Variants in ARAP2 observed in about 807,000 individuals in gnomAD.
ARAP2 encodes arf-GAP with Rho-GAP domain, ANK repeat and PH domain-containing protein 2.
A neutral mutation model predicts 194.5 loss-of-function variants in ARAP2; 148 were observed. The ratio of observed to expected loss-of-function variants is 0.76; its 90% CI spans 0.67 to 0.87. The LOEUF (loss-of-function observed/expected upper bound fraction) is 0.87. Ranked by LOEUF, ARAP2 falls within the 40% of genes least tolerant of loss-of-function variation. ARAP2 has a pLI of 0.00. For synonymous variants in ARAP2, 695 were observed against 683.5 expected, an observed-to-expected ratio of 1.02 and a Z score of -0.26; for missense variants, 2,128 against 1,989.7, an observed-to-expected ratio of 1.07 and a Z score of -1.32.
intron 8 of ARAP2, among the ~76,000 whole-genome samples, chr4:36,178,227 TGA>T (rs1271751219): frequency 1.3e-5 from 2 of 152,188 alleles, no homozygotes; most frequent in South Asian, 4.1e-4. Context: ...TGGCTTTACC[TGA>T]GAGTTTATTA....
At chr4:36,216,062 A>G (rs1363899581) in intron 2 of ARAP2, among the ~76,000 whole-genome samples, 1 of 151,272 alleles carries the variant, frequency 6.6e-6, no homozygotes, top group Non-Finnish European at 1.5e-5. Context: ...CTTGGGCAAC[A>G]TAATGAAACC....
rs116681418 is a variant in ARAP2, at chr4:36,098,585, T to C, written c.4286-6565A>G. Among the ~76,000 whole-genome samples, 1,511 of 152,208 alleles carry C rather than the reference T, an allele frequency of 9.9e-3. 13 individuals carry two copies. The highest frequency in any genetic ancestry group is 0.015 in the Non-Finnish European group (1,053 of 68,008). Reference sequence around the variant, plus strand: ...AATAAATGGACAACTCCTATACATCTCTGTAAATTATTAAACTAAAATATA... The same window carrying C: ...AATAAATGGACAACTCCTATACATCCCTGTAAATTATTAAACTAAAATATA... On this transcript the variant is annotated intron_variant, in intron 27 of 32. Coordinates refer to ENST00000303965, the MANE Select transcript of ARAP2 (RefSeq NM_015230.4).
intron 6 of ARAP2, among the ~76,000 whole-genome samples, chr4:36,198,265 G>T (rs6811620): frequency 1.3e-5 from 2 of 152,160 alleles, no homozygotes; most frequent in Admixed American, 6.5e-5. Context: ...TGATGTCTGC[G>T]CAGCTCTGGC....
intron 11 of ARAP2, among the ~76,000 whole-genome samples, chr4:36,163,258 GA>G (rs924451510): frequency 4.7e-5 from 7 of 150,374 alleles, no homozygotes; most frequent in African/African-American, 1.2e-4. Context: ...AAAAATACTG[GA>G]AAAAAAAAGA....
chr4:36,240,599 C>T (rs150084166), intron 1 of ARAP2, among the ~76,000 whole-genome samples: 120 of 152,190 alleles, frequency 7.9e-4, no homozygotes, highest in Non-Finnish European at 1.5e-3. Context: ...GCCTACCTCA[C>T]GGGGATATTT....
intron 1 of ARAP2, among the ~76,000 whole-genome samples, chr4:36,238,600 C>T (rs180836132): frequency 8.3e-4 from 127 of 152,160 alleles, no homozygotes; most frequent in Admixed American, 2.8e-3. Flanking sequence ...TTAAATATAC[C>T]ATATCTTGCA....
At chr4:36,142,904 T>TA (rs1224355483) in intron 19 of ARAP2, among the ~76,000 whole-genome samples, 1 of 151,898 alleles carries the variant, frequency 6.6e-6, no homozygotes, top group East Asian at 1.9e-4. Context: ...ATCTTATCCA[T>TA]AAAAAATAAC....
rs1484452980 is a variant in ARAP2, at chr4:36,244,346, G to C, written c.-327C>G. The C allele has an allele frequency of 6.6e-6, 1 of 151,478 alleles. No individual in the cohort carries two copies. The highest frequency in any genetic ancestry group is 2.1e-4 in the South Asian group (1 of 4,830). 9.4% of individuals were successfully genotyped at this position (151,478 alleles called of 1,614,324 possible). A position where few individuals can be genotyped will look rare whatever the true frequency, so the allele number is the denominator to read the frequency against. ...CTGTCCGCAGTCGCCTCTGCTGCCT[G>C]GCGGCGGCCGCGCGGGCGGCGCTGT... On this transcript the variant is annotated 5_prime_UTR_variant, in exon 1 of 33. Transcript: ENST00000303965.
chr4:36,196,355 C>G (rs1330351206), intron 6 of ARAP2, among the ~76,000 whole-genome samples: 1 of 152,146 alleles, frequency 6.6e-6, no homozygotes, highest in East Asian at 1.9e-4. Flanking sequence ...GCTTAAGGAT[C>G]AGTCGAAGAT....
chr4:36,212,071 C>T (rs572331434), intron 5 of ARAP2, among the ~76,000 whole-genome samples: 2 of 4,576 alleles, frequency 4.4e-4, no homozygotes, highest in East Asian at 0.083. Flanking sequence ...TCTGCACTGC[C>T]CTTTTCTCCT....
rs3055209 is a variant in ARAP2, at chr4:36,017,112, A to AATATAT, written n.751-1160_751-1155dup. Among the ~76,000 whole-genome samples the AATATAT allele has an allele frequency of 4.3e-3, 652 of 150,684 alleles. 4 individuals carry two copies. Among genetic ancestry groups the AATATAT allele is most frequent in the African/African-American group, 8.8e-3 (364 of 41,210 alleles). On this transcript the variant is annotated intron_variant and non_coding_transcript_variant, in intron 6 of 12. Coordinates refer to the ARAP2 transcript ENST00000503225. ...ACATAAAGAGACAGTTGAAAACTTAAATATATATATATACACATAATTTTC... is the reference window on the plus strand; with the variant it reads ...ACATAAAGAGACAGTTGAAAACTTAAATATATATATATATATATACACATAATTTTC...
chr4:36,110,687 G>T (rs114781389), intron 26 of ARAP2, among the ~76,000 whole-genome samples: 4,739 of 151,884 alleles, frequency 0.031, 250 homozygotes, highest in African/African-American at 0.11. Flanking sequence ...TATTTTAAAT[G>T]GTTATATTTT....
intron 2 of ARAP2, among the ~76,000 whole-genome samples, chr4:36,227,053 C>T (rs536787300): frequency 1.3e-5 from 2 of 152,176 alleles, no homozygotes; most frequent in East Asian, 3.9e-4. Context: ...ACAAATAATC[C>T]AATTCTTATA....
intron 5 of ARAP2, among the ~76,000 whole-genome samples, chr4:36,021,275 A>C (rs1264913912): frequency 2.6e-5 from 4 of 152,196 alleles, no homozygotes; most frequent in Non-Finnish European, 5.9e-5. Flanking sequence ...AAGTGTACTA[A>C]AAATAAAGCA....
intron 2 of ARAP2, among the ~76,000 whole-genome samples, chr4:36,226,484 C>T (rs1750331529): frequency 6.6e-6 from 1 of 152,038 alleles, no homozygotes; most frequent in Non-Finnish European, 1.5e-5. Context: ...CTGTACAGAC[C>T]TTGTTAAAAA....
chr4:36,012,727 A>T (rs1714783049), exon 9 of ARAP2: 1 of 152,178 alleles, frequency 6.6e-6, no homozygotes, highest in South Asian at 2.1e-4. Flanking sequence ...CCGAGTAGAA[A>T]GGAGATTCCA....
At chr4:36,164,185 C>T (rs932421832) in intron 11 of ARAP2, among the ~76,000 whole-genome samples, 1 of 152,132 alleles carries the variant, frequency 6.6e-6, no homozygotes, top group South Asian at 2.1e-4. Flanking sequence ...CTGTCTCTCT[C>T]ATCTGTGTTT....
rs759624068 is a variant in ARAP2 at position 36,228,678 on chromosome 4, C to T, written c.809G>A (p.Ser270Asn). 1.2e-5 allele frequency: 20 copies of T among 1,613,922 alleles called. No homozygotes were observed. The highest frequency in any genetic ancestry group is 1.6e-5 in the Non-Finnish European group (19 of 1,179,958). Residue 270 changes from serine (S) to asparagine (N), a missense_variant, in exon 2 of 33, where the codon AGT (serine) becomes AAT (asparagine). Ser to Asn is a conservative substitution (Grantham distance 46). Transcript: ENST00000303965. The stretch of plus-strand genomic sequence containing the variant: ...TGGTCTTGAAACCAACTTGCTACGA[C>T]TTCTCACAGGTGCTAGGATTGGTGA... Reference protein sequence around the residue: ...PSSPILAPVRSRSKLVSRPSR... With the variant: ...PSSPILAPVRNRSKLVSRPSR...
chr4:36,101,356 T>C (rs1296397656), intron 27 of ARAP2, among the ~76,000 whole-genome samples: 1 of 150,644 alleles, frequency 6.6e-6, no homozygotes, highest in South Asian at 2.1e-4. Context: ...ATTATAAATA[T>C]AGTTACTATT....
Sources: gnomAD v4.1 joint callset for allele counts (sites outside exome capture counted in the v4.1 genomes callset) on GRCh38, gnomAD v4.1.1 for gene constraint, MANE v1.5 for transcripts, NCBI Gene and HGNC (gene_info 2026-07-23, HGNC 2026-07-21) for gene names.